Variants in ZNF383 observed in about 807,000 individuals in gnomAD.
ZNF383 encodes zinc finger protein 383.
Under a neutral mutation model 44.2 loss-of-function variants are expected in ZNF383, and 32 were observed. That is an observed-to-expected ratio of 0.72 (90% CI 0.55 to 0.97). ZNF383 has a LOEUF of 0.97. Among genes scored for constraint, ZNF383 ranks in the 50% least tolerant of loss-of-function variants. The pLI is 0.00. For missense variants in ZNF383, 487 were observed against 562.5 expected, an observed-to-expected ratio of 0.87 and a Z score of 1.36; for synonymous variants, 155 against 186.2, an observed-to-expected ratio of 0.83 and a Z score of 1.36.
At position 37,246,281 on chromosome 19, in the gene ZNF383, AT is replaced by A. The variant is rs1974373000; in HGVS notation, c.*2620del. On this transcript the variant is annotated 3_prime_UTR_variant, in exon 6 of 6. Transcript: ENST00000684119. ...CATTATCATAAGTATCTTCATTAGG[AT>A]TTATGGAAAGGATTTTAACCATGTT... 1 of 152,194 alleles carries A rather than the reference AT, an allele frequency of 6.6e-6. No homozygotes were observed. Among genetic ancestry groups the A allele is most frequent in the African/African-American group, 2.4e-5 (1 of 41,446 alleles). 9.4% of individuals were successfully genotyped at this position (152,194 alleles called of 1,614,324 possible).
intron 2 of ZNF383, among the ~76,000 whole-genome samples, chr19:37,229,316 G>C (rs1189826474): frequency 6.8e-6 from 1 of 147,798 alleles, no homozygotes; most frequent in Non-Finnish European, 1.5e-5. Context: ...CACCATGCAT[G>C]GCTAATTTTG....
chr19:37,242,409 TA>T, intron 5 of ZNF383, 59 bp from the exon 6 acceptor site: 2 of 1,174,618 alleles, frequency 1.7e-6, no homozygotes, highest in Non-Finnish European at 2.4e-6. Context: ...ATTTCTATTA[TA>T]AAAGTTTAAT....
At chr19:37,238,433 G>A (rs1973928376) in intron 5 of ZNF383, among the ~76,000 whole-genome samples, 1 of 151,600 alleles carries the variant, frequency 6.6e-6, no homozygotes, top group Admixed American at 6.6e-5. Flanking sequence ...GAAATGTCAG[G>A]TGGTGGGTGA....
At chr19:37,242,428 A>T (rs770059517) in intron 5 of ZNF383, 41 bp from the exon 6 acceptor site, 2 of 1,376,052 alleles carry the variant, frequency 1.5e-6, no homozygotes, top group East Asian at 4.6e-5. Flanking sequence ...AATTTTTCAC[A>T]AATAGGAAAA....
At chr19:37,234,481 C>G (rs1374947112) in intron 3 of ZNF383, among the ~76,000 whole-genome samples, 1 of 152,094 alleles carries the variant, frequency 6.6e-6, no homozygotes, top group Non-Finnish European at 1.5e-5. Context: ...CTCCGCCTCC[C>G]GGATTCACGC....
chr19:37,230,362 G>T (rs1973423727), intron 2 of ZNF383, 47 bp from the exon 3 acceptor site: 5 of 1,394,428 alleles, frequency 3.6e-6, no homozygotes, highest in Non-Finnish European at 5.1e-6. Context: ...TTTCTAGAGG[G>T]TTTTACTTCC....
chr19:37,223,898 G>C lies in ZNF383; in HGVS notation c.-167-920G>C, dbSNP rs142422873. 9.5e-3 allele frequency among the ~76,000 whole-genome samples: 1,439 copies of C among 152,076 alleles called. 19 individuals carry two copies. The highest frequency in any genetic ancestry group is 0.033 in the African/African-American group (1,357 of 41,488). Reference sequence around the variant, plus strand: ...AATACAAAAAAAAGTAGCCAGGTATGGTGGCGGGCACCTGTAATCTCAGCT... The same window carrying C: ...AATACAAAAAAAAGTAGCCAGGTATCGTGGCGGGCACCTGTAATCTCAGCT... On this transcript the variant is annotated intron_variant, in intron 1 of 5. Transcript: ENST00000684119.
At chr19:37,235,854 G>T in intron 4 of ZNF383, 125 bp from the exon 5 acceptor site, 9 of 1,204,786 alleles carry the variant, frequency 7.5e-6, no homozygotes, top group Non-Finnish European at 1.0e-5. Context: ...GTGGGCTGTG[G>T]TTGAAGCTTC....
At chr19:37,229,350 G>A (rs964150988) in intron 2 of ZNF383, among the ~76,000 whole-genome samples, 5 of 148,644 alleles carry the variant, frequency 3.4e-5, no homozygotes, top group African/African-American at 2.5e-5. Context: ...TAGTAGAGAC[G>A]GTTTCTCCAT....
At chr19:37,222,450 C>T (rs1167161293) in intron 1 of ZNF383, among the ~76,000 whole-genome samples, 1 of 152,138 alleles carries the variant, frequency 6.6e-6, no homozygotes, top group Admixed American at 6.6e-5. Context: ...CATCTCTGCT[C>T]ACCACAACCT....
At chr19:37,236,990 CACACAG>C (rs1399686899) in intron 5 of ZNF383, among the ~76,000 whole-genome samples, 26 of 146,666 alleles carry the variant, frequency 1.8e-4, no homozygotes, top group Middle Eastern at 3.5e-3. Context: ...CACACACACA[CACACAG>C]AGACACACAC....
chr19:37,236,131 C>G (rs1450895638), intron 5 of ZNF383, 57 bp downstream of exon 5: 1 of 1,407,790 alleles, frequency 7.1e-7, no homozygotes, highest in Non-Finnish European at 9.8e-7. Context: ...CTCAGCTGGT[C>G]AGGGAGGAAA....
At chr19:37,239,173 C>A (rs1232689119) in intron 5 of ZNF383, among the ~76,000 whole-genome samples, 1 of 152,190 alleles carries the variant, frequency 6.6e-6, no homozygotes, top group Non-Finnish European at 1.5e-5. Context: ...CTGCCTTGGT[C>A]TCCCAAAGTG....
At position 37,247,001 on chromosome 19, in the gene ZNF383, C is replaced by T. The variant is rs1197068144; in HGVS notation, c.*3337C>T. 1 of 151,944 alleles carries T rather than the reference C, an allele frequency of 6.6e-6. No homozygotes were observed. Among genetic ancestry groups the T allele is most frequent in the Non-Finnish European group, 1.5e-5 (1 of 68,012 alleles). 9.4% of individuals were successfully genotyped at this position (151,944 alleles called of 1,614,324 possible). A position where few individuals can be genotyped will look rare whatever the true frequency, so the allele number is the denominator to read the frequency against. On this transcript the variant is annotated 3_prime_UTR_variant, in exon 6 of 6. Transcript: ENST00000684119. The stretch of plus-strand genomic sequence containing the variant: ...ATATCTGATTATTAATTCAATATTC[C>T]CTCTTAATTAACATGGGTTAAGGAA...
At position 37,234,653 on chromosome 19, in the gene ZNF383, A is replaced by G. The variant is rs987369188; in HGVS notation, c.10-896A>G. Among the ~76,000 whole-genome samples, 31 of 151,594 alleles carry G rather than the reference A, an allele frequency of 2.0e-4. No homozygotes were observed. The East Asian group carries it at 2.9e-3, about 14-fold the overall frequency. ...GATCAGCCCGCCTTGGCCTCCCAAA[A>G]TGCTGGGATTACAGGCATGAGCCAC... On this transcript the variant is annotated intron_variant, in intron 3 of 5. Coordinates refer to ENST00000684119, the MANE Select transcript of ZNF383 (RefSeq NM_001387601.1).
At chr19:37,237,187 A>G (rs1161120417) in intron 5 of ZNF383, among the ~76,000 whole-genome samples, 1 of 152,172 alleles carries the variant, frequency 6.6e-6, no homozygotes, top group African/African-American at 2.4e-5. Context: ...AAGGTCCAAA[A>G]GTGGTGCTAA....
chr19:37,236,898 T>C (rs1055683162), intron 5 of ZNF383, among the ~76,000 whole-genome samples: 1 of 151,710 alleles, frequency 6.6e-6, no homozygotes, highest in Non-Finnish European at 1.5e-5. Flanking sequence ...CTTGTACAGG[T>C]GTTTTCTACT....
intron 3 of ZNF383, among the ~76,000 whole-genome samples, chr19:37,235,014 C>T (rs1272256308): frequency 6.6e-6 from 1 of 151,974 alleles, no homozygotes; most frequent in African/African-American, 2.4e-5. Context: ...TGGCTCATGT[C>T]GTAATCCCAG....
At chr19:37,234,047 A>G (rs1973644967) in intron 3 of ZNF383, among the ~76,000 whole-genome samples, 1 of 151,562 alleles carries the variant, frequency 6.6e-6, no homozygotes, top group South Asian at 2.1e-4. Flanking sequence ...TATTTTTAGT[A>G]AAGACGGGGT....
Sources: allele counts gnomAD v4.1 joint callset (sites outside exome capture counted in the v4.1 genomes callset), GRCh38; gene constraint gnomAD v4.1.1; transcripts MANE v1.5; gene names NCBI Gene and HGNC (gene_info 2026-07-23, HGNC 2026-07-21).